Variants in TOM1L2 observed in about 807,000 individuals in gnomAD.
The protein encoded by TOM1L2 is target of myb1 like 2 membrane trafficking protein, also known as TOM1-like protein 2.
TOM1L2 carries 31 observed loss-of-function variants against 67.9 expected under a neutral mutation model. The ratio of observed to expected loss-of-function variants is 0.46; its 90% CI spans 0.34 to 0.62. The LOEUF (loss-of-function observed/expected upper bound fraction) is 0.62. TOM1L2 is among the 20% of genes least tolerant of loss of function. The probability of loss-of-function intolerance (pLI) is 0.01; values close to 1 mark genes in which losing one functional copy is unlikely to be tolerated. For synonymous variants in TOM1L2, 256 were observed against 254.0 expected, an observed-to-expected ratio of 1.01 and a Z score of -0.07; for missense variants, 606 against 663.5, an observed-to-expected ratio of 0.91 and a Z score of 0.95.
chr17:17,927,999 T>C (rs1419238681), intron 1 of TOM1L2, among the ~76,000 whole-genome samples: 1 of 152,242 alleles, frequency 6.6e-6, no homozygotes, highest in Non-Finnish European at 1.5e-5. Flanking sequence ...ATATGATGTC[T>C]GGGATTTACT....
At chr17:17,957,344 G>A (rs908919228) in intron 1 of TOM1L2, among the ~76,000 whole-genome samples, 1 of 152,052 alleles carries the variant, frequency 6.6e-6, no homozygotes, top group African/African-American at 2.4e-5. Context: ...AATATCACTG[G>A]GATTCAACAC....
intron 2 of TOM1L2, among the ~76,000 whole-genome samples, chr17:17,904,377 C>T (rs528623318): frequency 6.6e-6 from 1 of 152,302 alleles, no homozygotes; most frequent in African/African-American, 2.4e-5. Flanking sequence ...GAGCAATTCA[C>T]TGGAAAATAA....
intron 8 of TOM1L2, chr17:17,869,098 G>T: frequency 1.5e-6 from 1 of 648,474 alleles, no homozygotes; most frequent in Non-Finnish European, 2.4e-6. Context: ...GCAGCCTGAG[G>T]CTTACAAAGG....
intron 1 of TOM1L2, among the ~76,000 whole-genome samples, chr17:17,941,120 T>C (rs977728567): frequency 3.9e-5 from 6 of 152,236 alleles, no homozygotes; most frequent in Non-Finnish European, 7.3e-5. Flanking sequence ...GGAAGGGTCA[T>C]CTCAGTAAGA....
intron 1 of TOM1L2, 89 bp downstream of exon 1, chr17:17,972,173 G>T: frequency 6.7e-7 from 1 of 1,494,402 alleles, no homozygotes; most frequent in Non-Finnish European, 9.1e-7. Flanking sequence ...CTCGTGAAGT[G>T]GCACCGGCGC....
intron 1 of TOM1L2, among the ~76,000 whole-genome samples, chr17:17,923,434 C>G (rs11871899): frequency 0.54 from 82,715 of 151,934 alleles, 24,662 homozygotes; most frequent in East Asian, 0.94. Context: ...ACAACAACAA[C>G]AACAACAAAC....
At chr17:17,957,934 C>G (rs1381995100) in intron 1 of TOM1L2, among the ~76,000 whole-genome samples, 2 of 151,574 alleles carry the variant, frequency 1.3e-5, no homozygotes, top group South Asian at 4.2e-4. Flanking sequence ...ACTAAAAATA[C>G]AAAAAATTAG....
chr17:17,941,998 G>C (rs1414637188), intron 1 of TOM1L2, among the ~76,000 whole-genome samples: 1 of 152,174 alleles, frequency 6.6e-6, no homozygotes, highest in Admixed American at 6.6e-5. Context: ...CAAAAACGTA[G>C]CACAAAAGAG....
intron 5 of TOM1L2, among the ~76,000 whole-genome samples, chr17:17,883,500 C>T (rs1019107623): frequency 1.1e-4 from 16 of 152,058 alleles, no homozygotes; most frequent in South Asian, 2.1e-4. Flanking sequence ...TTTGGGAGGA[C>T]GAGGCGGGTG....
rs146735480 is a variant in TOM1L2, at chr17:17,897,376, G to A, written c.216+1220C>T. On this transcript the variant is annotated intron_variant, in intron 3 of 14. Coordinates refer to ENST00000379504, the MANE Select transcript of TOM1L2 (RefSeq NM_001082968.2). ...GCAGAACTCTCTTAATAAGTTTTGG[G>A]GTTTCGCTTGGGCAAAAAATCCAAA... is the stretch of plus-strand genomic sequence containing the variant. Among the ~76,000 whole-genome samples, 167 of 152,198 alleles carry A rather than the reference G, an allele frequency of 1.1e-3. No individual in the cohort carries two copies. In the Middle Eastern group the frequency reaches 0.017, roughly 15 times the overall value.
chr17:17,873,597 C>T (rs939961753), intron 7 of TOM1L2, among the ~76,000 whole-genome samples: 1 of 152,226 alleles, frequency 6.6e-6, no homozygotes, highest in African/African-American at 2.4e-5. Context: ...GCTACAAATA[C>T]TCCCAGCACC....
Position 17,847,683 on chromosome 17 carries a change from A to G in TOM1L2, c.1476T>C (p.Ser492=). The G allele has an allele frequency of 1.9e-6, 3 of 1,613,994 alleles. No individual in the cohort carries two copies. The highest frequency in any genetic ancestry group is 1.7e-6 in the Non-Finnish European group (2 of 1,179,974). ...CTGACCGCTCTGGCTTCTTCCGGCC[A>G]GAAGGGTTTGAGGCTGGGGCAGGAG... The part of the protein sequence containing the change: ...MEAPAPASNP[S]GRKKPERSED... The change falls in exon 15 of 15, where the codon TCT becomes TCC. Residue 492 remains serine (S), a synonymous_variant. Transcript: ENST00000379504.
intron 13 of TOM1L2, among the ~76,000 whole-genome samples, chr17:17,850,167 T>G (rs913792453): frequency 7.2e-5 from 11 of 152,312 alleles, no homozygotes; most frequent in African/African-American, 2.6e-4. Context: ...CCCATGACTC[T>G]GGGCAAGCCA....
chr17:17,961,928 T>C (rs986627588), intron 1 of TOM1L2, among the ~76,000 whole-genome samples: 4 of 151,050 alleles, frequency 2.6e-5, no homozygotes, highest in Non-Finnish European at 4.4e-5. Context: ...TTCATGTTCA[T>C]AGCAGCATTA....
At chr17:17,947,490 T>A (rs962351647) in intron 1 of TOM1L2, among the ~76,000 whole-genome samples, 1 of 152,172 alleles carries the variant, frequency 6.6e-6, no homozygotes, top group African/African-American at 2.4e-5. Context: ...CAATCATGCA[T>A]GCACAGAGGA....
At chr17:17,861,351 C>T in intron 12 of TOM1L2, 125 bp downstream of exon 12, 1 of 848,604 alleles carries the variant, frequency 1.2e-6, no homozygotes, top group South Asian at 1.7e-5. Context: ...CCGTGGGTCT[C>T]TCCCCCAGGG....
intron 1 of TOM1L2, among the ~76,000 whole-genome samples, chr17:17,930,718 A>G (rs1228279056): frequency 6.6e-6 from 1 of 152,242 alleles, no homozygotes; most frequent in African/African-American, 2.4e-5. Context: ...CAAGACAAAT[A>G]AAACAAGAAG....
chr17:17,924,289 T>A (rs945297301), intron 1 of TOM1L2, among the ~76,000 whole-genome samples: 3 of 152,140 alleles, frequency 2.0e-5, no homozygotes, highest in African/African-American at 7.2e-5. Flanking sequence ...TGATTGCTAA[T>A]GGGTACGGAA....
At chr17:17,926,584 C>T (rs2040093762) in intron 1 of TOM1L2, among the ~76,000 whole-genome samples, 1 of 152,106 alleles carries the variant, frequency 6.6e-6, no homozygotes, top group African/African-American at 2.4e-5. Flanking sequence ...ATATTTGGGC[C>T]TGGTGTGATG....
Sources: gnomAD v4.1 joint callset for allele counts (sites outside exome capture counted in the v4.1 genomes callset) on GRCh38, gnomAD v4.1.1 for gene constraint, MANE v1.5 for transcripts, NCBI Gene and HGNC (gene_info 2026-07-23, HGNC 2026-07-21) for gene names.